The following CSMD1 variants were observed in gnomAD, a reference collection of about 807,000 sequenced individuals.
The protein encoded by CSMD1 is CUB and Sushi multiple domains 1.
In CSMD1, 213 loss-of-function variants were observed where a neutral mutation model predicts 417.5. The observed-to-expected ratio is 0.51, with a 90% CI of 0.46 to 0.57. CSMD1 has a LOEUF of 0.57. Ranked by LOEUF, CSMD1 falls within the 20% of genes least tolerant of loss-of-function variation. CSMD1 has a pLI of 0.00. For synonymous variants in CSMD1, 2,862 were observed against 1,736.8 expected, an observed-to-expected ratio of 1.65 and a Z score of -16.11; for missense variants, 6,923 against 4,529.7, an observed-to-expected ratio of 1.53 and a Z score of -15.17.
intron 30 of CSMD1, among the ~76,000 whole-genome samples, chr8:3,212,105 C>A (rs932914547): frequency 2.0e-5 from 3 of 152,170 alleles, no homozygotes; most frequent in Admixed American, 2.0e-4. Context: ...AGATCAAAGG[C>A]TCTCTTTACC....
intron 11 of CSMD1, among the ~76,000 whole-genome samples, chr8:3,492,165 G>A (rs529910645): frequency 6.6e-6 from 1 of 152,242 alleles, no homozygotes; most frequent in South Asian, 2.1e-4. Context: ...GGGTGGGCGT[G>A]GGTTTCAGGA....
At chr8:3,397,430 G>A (rs1403816452) in intron 16 of CSMD1, among the ~76,000 whole-genome samples, 1 of 152,148 alleles carries the variant, frequency 6.6e-6, no homozygotes, top group Non-Finnish European at 1.5e-5. Context: ...ACTGATTAGT[G>A]CAAATGCACA....
At chr8:3,736,443 C>G (rs1023373115) in intron 6 of CSMD1, among the ~76,000 whole-genome samples, 7 of 152,116 alleles carry the variant, frequency 4.6e-5, no homozygotes, top group African/African-American at 1.4e-4. Context: ...TGTGGTCTCA[C>G]TACGTGGTCC....
chr8:4,695,127 C>CGTGACTT (rs1322137192), intron 1 of CSMD1, among the ~76,000 whole-genome samples: 1 of 152,150 alleles, frequency 6.6e-6, no homozygotes, highest in East Asian at 1.9e-4. Context: ...CTTCGACCAC[C>CGTGACTT]GTGACTTATC....
rs1258475127 is a variant in CSMD1 at position 3,256,322 on chromosome 8, AAAAG to A, written c.4154-26095_4154-26092del. Reference sequence around the variant, plus strand: ...ACTAAGTCTCAAGAAAAAAAAAAAAAAAAGAGAAGAAAGGAAGGAAAGAAAGGAA... The same window carrying A: ...ACTAAGTCTCAAGAAAAAAAAAAAAAAGAAGAAAGGAAGGAAAGAAAGGAA... On this transcript the variant is annotated intron_variant, in intron 26 of 69. Transcript: ENST00000635120. 2.2e-4 allele frequency among the ~76,000 whole-genome samples: 26 copies of A among 119,128 alleles called. No homozygotes were observed. The East Asian group carries it at 5.8e-3, about 27-fold the overall frequency. 78.2% of individuals were successfully genotyped at this position (119,128 alleles called of 152,430 possible).
chr8:3,617,098 A>T (rs1802178026), intron 7 of CSMD1, among the ~76,000 whole-genome samples: 1 of 152,178 alleles, frequency 6.6e-6, no homozygotes, highest in Non-Finnish European at 1.5e-5. Flanking sequence ...GCCAGGTCAC[A>T]ATTAACAGCA....
At position 4,009,491 on chromosome 8, in the gene CSMD1, G is replaced by T. The variant is rs368884973; in HGVS notation, c.611-11381C>A. 1.2e-4 allele frequency among the ~76,000 whole-genome samples: 19 copies of T among 152,244 alleles called. No homozygotes were observed. The East Asian group carries it at 2.1e-3, about 17-fold the overall frequency. ...CATTCAAACCATAGGGTCATCAAAT[G>T]TGTTTACCAAGCATTTATAATATTC... On this transcript the variant is annotated intron_variant, in intron 4 of 69. Transcript: ENST00000635120.
At chr8:4,946,171 TACTCCG>T (rs1808355462) in intron 1 of CSMD1, among the ~76,000 whole-genome samples, 2 of 152,206 alleles carry the variant, frequency 1.3e-5, no homozygotes. Context: ...AAAACTTTGA[TACTCCG>T]TGTTGTTTTG....
intron 1 of CSMD1, among the ~76,000 whole-genome samples, chr8:4,706,745 C>T (rs1807966490): frequency 6.6e-6 from 1 of 152,104 alleles, no homozygotes; most frequent in African/African-American, 2.4e-5. Flanking sequence ...GGCAGAGGGT[C>T]AGAGAGAAGG....
chr8:4,568,393 T>C, intron 2 of CSMD1, among the ~76,000 whole-genome samples: 1 of 152,160 alleles, frequency 6.6e-6, no homozygotes, highest in Non-Finnish European at 1.5e-5. Context: ...TCTGTTTCTG[T>C]GTCTTTACTG....
chr8:4,428,850 C>T (rs1217636493), intron 2 of CSMD1, among the ~76,000 whole-genome samples: 2 of 152,058 alleles, frequency 1.3e-5, no homozygotes, highest in Non-Finnish European at 2.9e-5. Flanking sequence ...TCCTGAGTAT[C>T]TGGGATTACA....
chr8:3,640,467 T>C (rs1797252713), intron 7 of CSMD1, among the ~76,000 whole-genome samples: 2 of 152,204 alleles, frequency 1.3e-5, no homozygotes, highest in Non-Finnish European at 2.9e-5. Context: ...ACTCTGGAAA[T>C]AGTTGCTCAG....
chr8:4,538,230 A>G (rs1215390193), intron 2 of CSMD1, among the ~76,000 whole-genome samples: 2 of 147,436 alleles, frequency 1.4e-5, no homozygotes, highest in African/African-American at 5.0e-5. Flanking sequence ...GCCTTGATGT[A>G]TGTGGCACCC....
intron 49 of CSMD1, among the ~76,000 whole-genome samples, chr8:3,072,361 C>G (rs1813378601): frequency 6.6e-6 from 1 of 152,124 alleles, no homozygotes; most frequent in African/African-American, 2.4e-5. Flanking sequence ...AAGATTTTAA[C>G]AATTAATTAT....
intron 5 of CSMD1, among the ~76,000 whole-genome samples, chr8:3,813,623 T>C (rs562277645): frequency 6.6e-6 from 1 of 152,198 alleles, no homozygotes; most frequent in African/African-American, 2.4e-5. Context: ...ACTGCCTTTA[T>C]GCAATAATGA....
At chr8:3,365,416 T>C (rs1216727073) in intron 20 of CSMD1, among the ~76,000 whole-genome samples, 1 of 152,230 alleles carries the variant, frequency 6.6e-6, no homozygotes, top group Non-Finnish European at 1.5e-5. Context: ...TTTTACATAA[T>C]GTTAATCAAC....
intron 5 of CSMD1, among the ~76,000 whole-genome samples, chr8:3,853,981 TTATA>T (rs1405003475): frequency 3.4e-5 from 5 of 146,330 alleles, no homozygotes; most frequent in Admixed American, 6.9e-5. Context: ...GTCAATATAT[TTATA>T]TATTTAATAT....
intron 5 of CSMD1, among the ~76,000 whole-genome samples, chr8:3,926,626 A>T (rs2129147120): frequency 6.6e-6 from 1 of 151,970 alleles, no homozygotes; most frequent in Non-Finnish European, 1.5e-5. Context: ...GATTTTATGA[A>T]AAGCATATTA....
intron 5 of CSMD1, among the ~76,000 whole-genome samples, chr8:3,932,713 A>C (rs541394059): frequency 1.3e-5 from 2 of 150,676 alleles, no homozygotes; most frequent in African/African-American, 2.4e-5. Context: ...GGTGGACTCT[A>C]ATGTTAATTG....
Sources: gnomAD v4.1 joint callset for allele counts (sites outside exome capture counted in the v4.1 genomes callset) on GRCh38, gnomAD v4.1.1 for gene constraint, MANE v1.5 for transcripts, NCBI Gene and HGNC (gene_info 2026-07-23, HGNC 2026-07-21) for gene names.